The following BBX variants were observed in gnomAD, a reference collection of about 807,000 sequenced individuals.
BBX encodes BBX high mobility group box domain containing.
BBX carries 30 observed loss-of-function variants against 100.2 expected under a neutral mutation model. The ratio of observed to expected loss-of-function variants is 0.30; its 90% CI spans 0.22 to 0.41. The LOEUF (loss-of-function observed/expected upper bound fraction) is 0.41. Among genes scored for constraint, BBX ranks in the 10% least tolerant of loss-of-function variants. BBX has a pLI of 1.00. For synonymous variants in BBX, 376 were observed against 388.1 expected (o/e 0.97, Z 0.37); for missense variants, 1,023 against 1,129.8 (o/e 0.91, Z 1.35).
At chr3:107,532,199 A>C (rs1187540155) in intron 2 of BBX, among the ~76,000 whole-genome samples, 1 of 152,104 alleles carries the variant, frequency 6.6e-6, no homozygotes, top group African/African-American at 2.4e-5. Context: ...GTCTCAAAAA[A>C]AAAACCAAAA....
chr3:107,759,776 T>C (rs563029468), intron 10 of BBX, among the ~76,000 whole-genome samples: 4 of 152,342 alleles, frequency 2.6e-5, no homozygotes, highest in African/African-American at 9.6e-5. Context: ...AGATCGGTGA[T>C]ATAGGAACAT....
chr3:107,791,647 G>C (rs1475019432), intron 15 of BBX, among the ~76,000 whole-genome samples: 1 of 152,170 alleles, frequency 6.6e-6, no homozygotes, highest in Non-Finnish European at 1.5e-5. Context: ...CAACCTGGTT[G>C]GCTGGGCATG....
intron 10 of BBX, among the ~76,000 whole-genome samples, chr3:107,768,132 T>C (rs2066545830): frequency 6.6e-6 from 1 of 152,190 alleles, no homozygotes; most frequent in Non-Finnish European, 1.5e-5. Flanking sequence ...GTCTCAGTTC[T>C]TCATGGCCTG....
chr3:107,701,048 G>C (rs1370214678), intron 3 of BBX, among the ~76,000 whole-genome samples: 2 of 151,924 alleles, frequency 1.3e-5, no homozygotes, highest in Non-Finnish European at 2.9e-5. Flanking sequence ...CTAGTTTACA[G>C]TCCCACCAAC....
At chr3:107,748,845 G>T (rs1464586330) in intron 9 of BBX, among the ~76,000 whole-genome samples, 1 of 152,046 alleles carries the variant, frequency 6.6e-6, no homozygotes, top group African/African-American at 2.4e-5. Context: ...TGACAAGCAG[G>T]ACTGTGCTGT....
intron 3 of BBX, among the ~76,000 whole-genome samples, chr3:107,677,840 C>A (rs532797339): frequency 7.9e-4 from 120 of 152,174 alleles, no homozygotes; most frequent in African/African-American, 2.7e-3. Flanking sequence ...ATCTCTTTAG[C>A]CTATTAGTAT....
At chr3:107,573,516 C>T (rs987489917) in intron 2 of BBX, among the ~76,000 whole-genome samples, 12 of 152,118 alleles carry the variant, frequency 7.9e-5, no homozygotes, top group Admixed American at 5.2e-4. Context: ...GATGAGATCA[C>T]GCCATTGCAT....
intron 10 of BBX, among the ~76,000 whole-genome samples, chr3:107,766,219 G>A (rs1266771853): frequency 6.6e-6 from 1 of 152,124 alleles, no homozygotes; most frequent in Non-Finnish European, 1.5e-5. Flanking sequence ...TACAATCTCA[G>A]TAAAAGAACG....
At chr3:107,537,688 AGGTCT>A (rs2048593067) in intron 2 of BBX, among the ~76,000 whole-genome samples, 1 of 152,188 alleles carries the variant, frequency 6.6e-6, no homozygotes, top group Non-Finnish European at 1.5e-5. Flanking sequence ...ATAGTGATCT[AGGTCT>A]GGTCTTTCAT....
rs138151935 is a variant in BBX at position 107,635,301 on chromosome 3, A to G, written c.-83-10535A>G. ...GAAACACTGTATTCCAAATGAGTCCATGTTTTTATTTTGTTTAATTTTTTC... is the reference window on the plus strand; with the variant it reads ...GAAACACTGTATTCCAAATGAGTCCGTGTTTTTATTTTGTTTAATTTTTTC... On this transcript the variant is annotated intron_variant, in intron 2 of 17. Transcript: ENST00000325805. 5.8e-3 allele frequency among the ~76,000 whole-genome samples: 889 copies of G among 152,286 alleles called. 40 individuals carry two copies. The highest frequency in any genetic ancestry group is 0.054 in the Admixed American group (824 of 15,298).
chr3:107,647,928 C>T (rs1254808017), intron 3 of BBX, among the ~76,000 whole-genome samples: 1 of 152,132 alleles, frequency 6.6e-6, no homozygotes, highest in African/African-American at 2.4e-5. Flanking sequence ...TGACTCTTAA[C>T]AAGGCTGCTT....
chr3:107,549,128 C>A (rs1189039510), intron 2 of BBX, among the ~76,000 whole-genome samples: 1 of 151,868 alleles, frequency 6.6e-6, no homozygotes, highest in Admixed American at 6.6e-5. Flanking sequence ...ACTTGTATTC[C>A]CTGAATCAAA....
At chr3:107,762,503 C>T (rs572248959) in intron 10 of BBX, among the ~76,000 whole-genome samples, 9 of 152,104 alleles carry the variant, frequency 5.9e-5, no homozygotes, top group Non-Finnish European at 8.8e-5. Flanking sequence ...CTGGCACAAG[C>T]GTTCGGGTTT....
At chr3:107,779,620 A>G (rs993228624) in intron 13 of BBX, among the ~76,000 whole-genome samples, 1 of 152,144 alleles carries the variant, frequency 6.6e-6, no homozygotes, top group Non-Finnish European at 1.5e-5. Context: ...AATCAGATTA[A>G]TTCCACTCTT....
At chr3:107,672,456 A>G (rs544828281) in intron 3 of BBX, among the ~76,000 whole-genome samples, 1 of 152,128 alleles carries the variant, frequency 6.6e-6, no homozygotes, top group African/African-American at 2.4e-5. Flanking sequence ...CCTATGTTGG[A>G]AACATTTTGT....
At chr3:107,577,801 A>C (rs1460338601) in intron 2 of BBX, among the ~76,000 whole-genome samples, 1 of 152,148 alleles carries the variant, frequency 6.6e-6, no homozygotes, top group African/African-American at 2.4e-5. Context: ...AGACCCCATA[A>C]GTGCTTAGTG....
At chr3:107,557,124 A>T (rs536327525) in intron 2 of BBX, among the ~76,000 whole-genome samples, 32 of 152,354 alleles carry the variant, frequency 2.1e-4, no homozygotes, top group Admixed American at 1.0e-3. Flanking sequence ...TAATTCACAT[A>T]CCTATTGAGA....
At chr3:107,576,123 C>A (rs1303354655) in intron 2 of BBX, among the ~76,000 whole-genome samples, 3 of 152,126 alleles carry the variant, frequency 2.0e-5, no homozygotes. Flanking sequence ...TGTGAAGACA[C>A]CAAATGTTCC....
rs543368954 is a variant in BBX at position 107,768,688 on chromosome 3, G to A, written c.907-3940G>A. Among the ~76,000 whole-genome samples the A allele has an allele frequency of 1.3e-5, 2 of 151,702 alleles. 1 individual carries two copies. Among genetic ancestry groups the A allele is most frequent in the African/African-American group, 4.8e-5 (2 of 41,318 alleles). On this transcript the variant is annotated intron_variant, in intron 10 of 17. Coordinates refer to ENST00000325805, the MANE Select transcript of BBX (RefSeq NM_001142568.3). ...ATCAAGTTTACCAGCATATTATGTG[G>A]GTATAGAAAACCAGGATTTTACATG...
Sources: allele counts gnomAD v4.1 joint callset (sites outside exome capture counted in the v4.1 genomes callset), GRCh38; gene constraint gnomAD v4.1.1; transcripts MANE v1.5; gene names NCBI Gene and HGNC (gene_info 2026-07-23, HGNC 2026-07-21).